The following MCTP1 variants were observed in gnomAD, a reference collection of about 807,000 sequenced individuals.
MCTP1 encodes the protein multiple C2 and transmembrane domain-containing protein 1.
In MCTP1, 69 loss-of-function variants were observed where a neutral mutation model predicts 120.6. The ratio of observed to expected loss-of-function variants is 0.57; its 90% CI spans 0.47 to 0.70. The LOEUF (loss-of-function observed/expected upper bound fraction) is 0.70, where lower values mean the gene tolerates loss of function less well. MCTP1 is among the 30% of genes least tolerant of loss of function. MCTP1 has a pLI of 0.00. For missense variants in MCTP1, 1,203 were observed against 1,248.8 expected, an observed-to-expected ratio of 0.96 and a Z score of 0.55; for synonymous variants, 529 against 493.1, an observed-to-expected ratio of 1.07 and a Z score of -0.96.
rs1464201751 is a variant in MCTP1, at chr5:95,284,421, T to C, written c.155A>G (p.Asp52Gly). 2 of 1,568,184 alleles carry C rather than the reference T, an allele frequency of 1.3e-6. No individual in the cohort carries two copies. Among genetic ancestry groups the C allele is most frequent in the Non-Finnish European group, 1.7e-6 (2 of 1,165,566 alleles). ...GGGTGGCGGGGAGGGCGACGGGGTGTCCGCAGTGCGGCGCTCTGGACCCCC... is the reference window on the plus strand; with the variant it reads ...GGGTGGCGGGGAGGGCGACGGGGTGCCCGCAGTGCGGCGCTCTGGACCCCC... ...RAGGPERRTA[D>G]TPSPSPPPPV... Residue 52 changes from aspartate to glycine, a missense_variant, in exon 1 of 23, where the codon GAC (aspartate) becomes GGC (glycine). Physicochemically the swap from Asp to Gly is moderately conservative, Grantham distance 94. Around this residue, in one of 2 missense-constraint regions of MCTP1, gnomAD observed 463 missense variants for 377.8 expected, o/e 1.23. Coordinates refer to ENST00000515393, the MANE Select transcript of MCTP1 (RefSeq NM_024717.7). This position sits in a 1 kb window ranked among gnomAD's most constrained non-coding sequence, Gnocchi z 5.2.
At chr5:95,219,339 G>A (rs916617588) in intron 1 of MCTP1, among the ~76,000 whole-genome samples, 28 of 144,164 alleles carry the variant, frequency 1.9e-4, no homozygotes, top group African/African-American at 7.0e-4. Context: ...CCAAGATCGC[G>A]TCACTGCACT....
chr5:95,036,540 C>T (rs955513204), intron 1 of MCTP1, among the ~76,000 whole-genome samples: 13 of 152,204 alleles, frequency 8.5e-5, no homozygotes, highest in Non-Finnish European at 1.9e-4. Flanking sequence ...CCCTTTTTCC[C>T]CGCGGATTAC....
intron 2 of MCTP1, among the ~76,000 whole-genome samples, chr5:95,010,595 C>T (rs1581824302): frequency 6.6e-6 from 1 of 151,626 alleles, no homozygotes; most frequent in East Asian, 1.9e-4. Context: ...TTATCTTTAC[C>T]CAATAAAAAT....
chr5:94,847,574 C>T (rs1331621703), intron 17 of MCTP1, among the ~76,000 whole-genome samples: 1 of 151,680 alleles, frequency 6.6e-6, no homozygotes, highest in Non-Finnish European at 1.5e-5. Context: ...CTGTCTCCCA[C>T]ACAAAAGAAG....
At chr5:95,114,946 T>C (rs1214545042) in intron 1 of MCTP1, among the ~76,000 whole-genome samples, 1 of 152,130 alleles carries the variant, frequency 6.6e-6, no homozygotes, top group Non-Finnish European at 1.5e-5. Context: ...GAGAAACTGT[T>C]TGGAGAAAGT....
chr5:94,717,342 CAAT>C (rs1427053602), intron 19 of MCTP1, among the ~76,000 whole-genome samples: 1 of 152,032 alleles, frequency 6.6e-6, no homozygotes, highest in Non-Finnish European at 1.5e-5. Flanking sequence ...GTTAAAAACT[CAAT>C]AAACTAGGTA....
At chr5:94,971,716 A>G (rs1826931030) in intron 2 of MCTP1, among the ~76,000 whole-genome samples, 1 of 152,200 alleles carries the variant, frequency 6.6e-6, no homozygotes, top group Non-Finnish European at 1.5e-5. Context: ...GTGAGGTCGA[A>G]GGAGACTTGA....
At chr5:94,822,051 C>T (rs1638726500) in intron 17 of MCTP1, among the ~76,000 whole-genome samples, 1 of 151,928 alleles carries the variant, frequency 6.6e-6, no homozygotes, top group Non-Finnish European at 1.5e-5. Context: ...GCATGGTTTT[C>T]ATATCTGTTA....
intron 4 of MCTP1, 106 bp from the exon 5 acceptor site, chr5:94,940,301 T>C: frequency 1.6e-6 from 1 of 626,818 alleles, no homozygotes; most frequent in Non-Finnish European, 2.6e-6. Context: ...TTTGTCTTCC[T>C]TTACTTTCTT....
intron 17 of MCTP1, among the ~76,000 whole-genome samples, chr5:94,857,542 T>C (rs1312878568): frequency 2.6e-5 from 4 of 151,678 alleles, no homozygotes; most frequent in East Asian, 1.9e-4. Flanking sequence ...TTAAATCCAG[T>C]CTAGAATATT....
rs1250542235 is a variant in MCTP1, at chr5:94,703,816, A to T, written c.*3680T>A. On this transcript the variant is annotated 3_prime_UTR_variant, in exon 23 of 23. Transcript: ENST00000515393. Reference sequence around the variant, plus strand: ...GTGCTCTTAGTTTCTACATTGTATGATTGCTTTGGACATTTGATAGTTTTT... The same window carrying T: ...GTGCTCTTAGTTTCTACATTGTATGTTTGCTTTGGACATTTGATAGTTTTT... 6.6e-6 allele frequency: 1 copy of T among 151,054 alleles called. No individual in the cohort carries two copies. Among genetic ancestry groups the T allele is most frequent in the Non-Finnish European group, 1.5e-5 (1 of 67,528 alleles). The allele number at this position is 151,054 out of a possible 1,614,324, so 9.4% of individuals were successfully genotyped here. A position where few individuals can be genotyped will look rare whatever the true frequency, so the allele number is the denominator to read the frequency against.
chr5:95,121,464 G>T (rs1415536980), intron 1 of MCTP1, among the ~76,000 whole-genome samples: 2 of 151,628 alleles, frequency 1.3e-5, no homozygotes, highest in Non-Finnish European at 2.9e-5. Flanking sequence ...TCTCTACAAT[G>T]AAAACTATAA....
chr5:95,104,080 T>C (rs2152377045), intron 1 of MCTP1, among the ~76,000 whole-genome samples: 1 of 152,300 alleles, frequency 6.6e-6, no homozygotes, highest in South Asian at 2.1e-4. Context: ...AGGAATGCCT[T>C]ACGTATCAAT....
chr5:94,859,943 T>C (rs927661108), intron 17 of MCTP1, among the ~76,000 whole-genome samples: 2 of 151,746 alleles, frequency 1.3e-5, no homozygotes, highest in Non-Finnish European at 2.9e-5. Context: ...TTTCGAACAT[T>C]TAGAGTTGCC....
intron 2 of MCTP1, among the ~76,000 whole-genome samples, chr5:94,970,254 G>A (rs1185312030): frequency 6.6e-6 from 1 of 151,826 alleles, no homozygotes; most frequent in African/African-American, 2.4e-5. Context: ...AATTATTCAT[G>A]TTGTATCCCA....
intron 2 of MCTP1, among the ~76,000 whole-genome samples, chr5:94,999,416 AT>A (rs1241009449): frequency 1.3e-5 from 2 of 152,196 alleles, no homozygotes; most frequent in African/African-American, 4.8e-5. Flanking sequence ...TTTAAATCAA[AT>A]TCTTCTATAA....
intron 4 of MCTP1, among the ~76,000 whole-genome samples, chr5:94,940,655 CTA>C (rs1308433998): frequency 6.9e-6 from 1 of 145,302 alleles, no homozygotes; most frequent in Non-Finnish European, 1.5e-5. Flanking sequence ...CACATATACA[CTA>C]AATACACATA....
chr5:94,910,724 G>A (rs1394648731), intron 9 of MCTP1, among the ~76,000 whole-genome samples: 2 of 151,688 alleles, frequency 1.3e-5, no homozygotes, highest in Non-Finnish European at 2.9e-5. Context: ...ACACGGAAAT[G>A]GTGCTAACTA....
chr5:95,043,139 A>G (rs182843932), intron 1 of MCTP1, among the ~76,000 whole-genome samples: 131 of 152,328 alleles, frequency 8.6e-4, no homozygotes, highest in African/African-American at 3.1e-3. Context: ...TACAGCTGCC[A>G]AGAACATATT....
Sources: allele counts gnomAD v4.1 joint callset (sites outside exome capture counted in the v4.1 genomes callset), GRCh38; gene constraint gnomAD v4.1.1; regional missense constraint gnomAD v4.1.1; non-coding constraint Gnocchi (gnomAD v3.1); transcripts MANE v1.5; gene names NCBI Gene and HGNC (gene_info 2026-07-23, HGNC 2026-07-21).